Variants in FASTKD3 observed in about 807,000 individuals in gnomAD.
FASTKD3 encodes the protein FAST kinase domain-containing protein 3, mitochondrial.
FASTKD3 carries 47 observed loss-of-function variants against 49.7 expected under a neutral mutation model. That is an observed-to-expected ratio of 0.95 (90% CI 0.75 to 1.21). The LOEUF (loss-of-function observed/expected upper bound fraction) is 1.21, where lower values mean the gene tolerates loss of function less well. FASTKD3 is among the 50% of genes most tolerant of loss of function. The pLI is 0.00. For missense variants in FASTKD3, 748 were observed against 765.7 expected, an observed-to-expected ratio of 0.98 and a Z score of 0.27; for synonymous variants, 284 against 288.6, an observed-to-expected ratio of 0.98 and a Z score of 0.16.
intron 3 of FASTKD3, among the ~76,000 whole-genome samples, chr5:7,864,812 GA>G (rs199812613): frequency 4.1e-5 from 6 of 145,564 alleles, no homozygotes; most frequent in Non-Finnish European, 8.8e-5. Flanking sequence ...AACTATTAGG[GA>G]AAAAAAATCT....
Position 7,868,188 on chromosome 5 carries a change from A to C in FASTKD3, c.-105T>G. 1.9e-6 allele frequency: 1 copy of C among 527,676 alleles called. No individual in the cohort carries two copies. Among genetic ancestry groups the C allele is most frequent in the Admixed American group, 4.1e-5 (1 of 24,252 alleles). The allele number at this position is 527,676 out of a possible 1,614,324, so 32.7% of individuals were successfully genotyped here. ...CAACATCAATGTTTATGAAACTACA[A>C]ACGAGTATCTGGAAAAAAAAAAAAA... On this transcript the variant is annotated 5_prime_UTR_variant, in exon 2 of 7. Transcript: ENST00000264669.
In FASTKD3 at chr5:7,868,003, A is replaced by G; in HGVS notation, c.81T>C (p.Asn27=). ...QMHRALAALK[N]KPLNHVHKVV... ...CCTTGTGAACATGATTTAGAGGTTT[A>G]TTTTTTAAAGCAGCCAGAGCTCTAT... The change falls in exon 2 of 7, where the codon AAT becomes AAC. Residue 27 remains asparagine, a synonymous_variant. Transcript: ENST00000264669. The G allele has an allele frequency of 1.2e-6, 2 of 1,614,100 alleles. No individual in the cohort carries two copies. Among genetic ancestry groups the G allele is most frequent in the East Asian group, 4.5e-5 (2 of 44,886 alleles).
chr5:7,860,437 G>A (rs566511998), intron 6 of FASTKD3, among the ~76,000 whole-genome samples: 2 of 152,252 alleles, frequency 1.3e-5, no homozygotes, highest in South Asian at 4.1e-4. Context: ...TTAAATCAAG[G>A]AGAAATTAAA....
In FASTKD3 at chr5:7,867,651, C is replaced by G. The variant is rs1747095675; in HGVS notation, c.433G>C (p.Gly145Arg). 1.2e-5 allele frequency: 19 copies of G among 1,614,198 alleles called. No homozygotes were observed. Among genetic ancestry groups the G allele is most frequent in the Non-Finnish European group, 1.5e-5 (18 of 1,180,042 alleles). Reference sequence around the variant, plus strand: ...ATTTCTTTTGGCAGCCCTTGATCACCATCCTTTTTTTCCACTTCACAAATT... The same window carrying G: ...ATTTCTTTTGGCAGCCCTTGATCACGATCCTTTTTTTCCACTTCACAAATT... ...QRICEVEKKDGDQGLPKEILE... is the reference protein window; with the variant it reads ...QRICEVEKKDRDQGLPKEILE... Residue 145 changes from glycine to arginine, a missense_variant, in exon 2 of 7, where the codon GGT becomes CGT. Gly to Arg is a moderately radical substitution (Grantham distance 125). Coordinates refer to ENST00000264669, the MANE Select transcript of FASTKD3 (RefSeq NM_024091.4).
intron 4 of FASTKD3, among the ~76,000 whole-genome samples, chr5:7,862,518 A>G (rs549079065): frequency 6.6e-6 from 1 of 152,244 alleles, no homozygotes; most frequent in African/African-American, 2.4e-5. Context: ...TCCAGGTACT[A>G]TTTTATTTAG....
At position 7,867,547 on chromosome 5, in the gene FASTKD3, C is replaced by A. The variant is rs978533461; in HGVS notation, c.537G>T (p.Val179=). 11 of 1,614,236 alleles carry A rather than the reference C, an allele frequency of 6.8e-6. No individual in the cohort carries two copies. The highest frequency in any genetic ancestry group is 9.3e-6 in the Non-Finnish European group (11 of 1,180,044). Residue 179 remains valine (V), a synonymous_variant, in exon 2 of 7, where the codon GTG becomes GTT. Transcript: ENST00000264669. The stretch of plus-strand genomic sequence containing the variant: ...ACAGAATCAGAGCTTGCAAAGCAGT[C>A]ACTAAACTAGTGTTTGACAGCTGTG... ...EPSQLSNTSL[V]TALQALILLH...
chr5:7,861,019 AATAATTGCTGCCTG>A (rs1303041662), intron 6 of FASTKD3, 116 bp downstream of exon 6: 29 of 600,892 alleles, frequency 4.8e-5, no homozygotes, highest in Non-Finnish European at 6.8e-5. Context: ...TGTCCAGTTC[AATAATTGCTGCCTG>A]ATCAAATTCT....
Position 7,861,332 on chromosome 5 carries a change from G to C in FASTKD3, c.1770-69C>G. ...TCCAAAATATTTATTATATATTTTA[G>C]TTGCCAAAGTTTATTTGGGATTTGG... On this transcript the variant is annotated intron_variant, in intron 5 of 6. Transcript: ENST00000264669. 4 of 884,250 alleles carry C rather than the reference G, an allele frequency of 4.5e-6. No individual in the cohort carries two copies. In the South Asian group the frequency reaches 1.1e-4, roughly 24 times the overall value. The allele number at this position is 884,250 out of a possible 1,614,324, so 54.8% of individuals were successfully genotyped here. A position where few individuals can be genotyped will look rare whatever the true frequency, so the allele number is the denominator to read the frequency against.
chr5:7,866,436 C>T (rs1579556118), intron 2 of FASTKD3, among the ~76,000 whole-genome samples: 2 of 152,108 alleles, frequency 1.3e-5, no homozygotes, highest in East Asian at 3.9e-4. Context: ...AGGCAAAAGT[C>T]AGTTTATCTG....
At chr5:7,865,703 C>T (rs1180934882) in intron 3 of FASTKD3, among the ~76,000 whole-genome samples, 195 bp downstream of exon 3, 1 of 152,104 alleles carries the variant, frequency 6.6e-6, no homozygotes, top group African/African-American at 2.4e-5. Flanking sequence ...TCTTAAACAG[C>T]AGGAAATTGT....
chr5:7,868,044 A>C lies in FASTKD3; in HGVS notation c.40T>G (p.Ser14Ala). ...ITLRKNLYRL[S>A]DFQMHRALAA... ...AGAGCTCTATGCATCTGAAAATCAG[A>C]TAAACGATAAAGGTTCTTCCTCAAG... is the stretch of plus-strand genomic sequence containing the variant. The change falls in exon 2 of 7, where the codon TCT (serine) becomes GCT (alanine). Residue 14 changes from serine (S) to alanine (A), a missense_variant. Transcript: ENST00000264669. The C allele has an allele frequency of 6.2e-7, 1 of 1,612,976 alleles. No individual in the cohort carries two copies. The highest frequency in any genetic ancestry group is 8.5e-7 in the Non-Finnish European group (1 of 1,179,750).
intron 4 of FASTKD3, 41 bp downstream of exon 4, chr5:7,862,782 A>G: frequency 6.5e-7 from 1 of 1,533,052 alleles, no homozygotes; most frequent in Non-Finnish European, 8.9e-7. Flanking sequence ...ATCGAACAGG[A>G]TGCTTAGGTT....
chr5:7,863,264 G>A, intron 3 of FASTKD3: 2 of 400,568 alleles, frequency 5.0e-6, no homozygotes, highest in Non-Finnish European at 9.0e-6. Context: ...AAAGAAGGAA[G>A]GTAAAAAGGA....
rs765015935 is a variant in FASTKD3 at position 7,859,530 on chromosome 5, G to C, written c.1894C>G (p.His632Asp). Residue 632 changes from histidine (H) to aspartate (D), a missense_variant, in exon 7 of 7, where the codon CAT becomes GAT. By Grantham distance (81) the His-to-Asp change is moderately conservative. Transcript: ENST00000264669. The stretch of plus-strand genomic sequence containing the variant: ...CTTGATTTTAGCATCCCAATCTCAT[G>C]ATAGGGGATCTGTAAAGGTAGAAAA... ...LGYQVVQIPY[H>D]EIGMLKSRRE... The C allele has an allele frequency of 4.4e-6, 7 of 1,592,694 alleles. No homozygotes were observed. Among genetic ancestry groups the C allele is most frequent in the Non-Finnish European group, 6.0e-6 (7 of 1,167,090 alleles).
intron 2 of FASTKD3, among the ~76,000 whole-genome samples, chr5:7,866,418 C>T (rs1746952602): frequency 6.6e-6 from 1 of 151,948 alleles, no homozygotes; most frequent in Admixed American, 6.6e-5. Context: ...GCTGCAATTT[C>T]TCAGATAAGG....
chr5:7,864,808 T>A (rs162028), intron 3 of FASTKD3, among the ~76,000 whole-genome samples: 31,826 of 146,814 alleles, frequency 0.22, 4,860 homozygotes, highest in African/African-American at 0.44. Context: ...CTGTAACTAT[T>A]AGGGAAAAAA....
chr5:7,865,867 A>G (rs747940569), intron 3 of FASTKD3, 31 bp downstream of exon 3: 2 of 1,531,494 alleles, frequency 1.3e-6, no homozygotes, highest in Non-Finnish European at 1.8e-6. Context: ...ACCCATGGGG[A>G]AATAAAGCCA....
intron 4 of FASTKD3, chr5:7,862,183 C>G (rs1312617016): frequency 2.0e-5 from 3 of 152,492 alleles, no homozygotes; most frequent in African/African-American, 7.2e-5. Context: ...CCATCTGAAG[C>G]CTATGAACTG....
intron 5 of FASTKD3, 99 bp downstream of exon 5, chr5:7,861,484 G>T: frequency 2.3e-6 from 2 of 864,864 alleles, no homozygotes; most frequent in Non-Finnish European, 3.3e-6. Context: ...TTAATTTCCA[G>T]AATCATATCT....
Sources: allele counts gnomAD v4.1 joint callset (sites outside exome capture counted in the v4.1 genomes callset), GRCh38; gene constraint gnomAD v4.1.1; transcripts MANE v1.5; gene names NCBI Gene and HGNC (gene_info 2026-07-23, HGNC 2026-07-21).